Variants in LYPD6B observed in about 807,000 individuals in gnomAD.
LYPD6B encodes the protein LY6/PLAUR domain containing 6B.
Under a neutral mutation model 22.8 loss-of-function variants are expected in LYPD6B, and 17 were observed. That is an observed-to-expected ratio of 0.75 (90% CI 0.51 to 1.12). LYPD6B has a LOEUF of 1.12. Ranked by LOEUF, LYPD6B falls within the 50% of genes most tolerant of loss-of-function variation. The probability of loss-of-function intolerance (pLI) is 0.00; values close to 1 mark genes in which losing one functional copy is unlikely to be tolerated. For missense variants in LYPD6B, 221 were observed against 258.3 expected, an observed-to-expected ratio of 0.86 and a Z score of 0.99; for synonymous variants, 106 against 91.6, an observed-to-expected ratio of 1.16 and a Z score of -0.90.
At chr2:149,051,340 AT>A (rs1267151980) in intron 1 of LYPD6B, among the ~76,000 whole-genome samples, 3 of 150,742 alleles carry the variant, frequency 2.0e-5, no homozygotes, top group Non-Finnish European at 3.0e-5. Flanking sequence ...AATTTTTTCT[AT>A]TTTTTAGTAG....
chr2:149,052,593 C>T lies in LYPD6B; in HGVS notation c.-67+13792C>T, dbSNP rs6752965. Reference sequence around the variant, plus strand: ...TGGGAGTCTGTGGTCTTGTCTGGGGCTACTCCCTATTCCCCACCAACCACA... The same window carrying T: ...TGGGAGTCTGTGGTCTTGTCTGGGGTTACTCCCTATTCCCCACCAACCACA... On this transcript the variant is annotated intron_variant, in intron 1 of 6. Transcript: ENST00000409642. Among the ~76,000 whole-genome samples the T allele has an allele frequency of 6.4e-3, 979 of 152,290 alleles. 12 individuals are homozygous for T. Among genetic ancestry groups the T allele is most frequent in the African/African-American group, 0.022 (934 of 41,558 alleles).
intron 3 of LYPD6B, among the ~76,000 whole-genome samples, chr2:149,204,060 G>A (rs1221881925): frequency 6.6e-6 from 1 of 152,156 alleles, no homozygotes; most frequent in East Asian, 1.9e-4. Context: ...GCAAGAAGGA[G>A]TTCAGCCAAT....
Position 149,165,175 on chromosome 2 carries a change from C to A in LYPD6B, c.77+4340C>A, listed in dbSNP as rs143408498. Among the ~76,000 whole-genome samples, 611 of 152,224 alleles carry A rather than the reference C, an allele frequency of 4.0e-3. 5 individuals carry two copies. Among genetic ancestry groups the A allele is most frequent in the Non-Finnish European group, 6.5e-3 (445 of 68,002 alleles). ...GCTCAGCCTCCTTGACATGACAGAA[C>A]TTTCTGGCAAGAGGACAAGAGCAAA... On this transcript the variant is annotated intron_variant, in intron 3 of 6. Coordinates refer to ENST00000409642, the MANE Select transcript of LYPD6B (RefSeq NM_177964.5).
At chr2:149,173,959 A>G (rs1399986750) in intron 3 of LYPD6B, among the ~76,000 whole-genome samples, 11 of 152,218 alleles carry the variant, frequency 7.2e-5, no homozygotes, top group Admixed American at 6.5e-4. Context: ...TGGGAATAGT[A>G]TTGAATCTAT....
chr2:149,089,138 G>A (rs777802017), intron 1 of LYPD6B, among the ~76,000 whole-genome samples: 1 of 152,188 alleles, frequency 6.6e-6, no homozygotes, highest in Non-Finnish European at 1.5e-5. Flanking sequence ...TCAGACTTCT[G>A]TGAATGTTAT....
intron 1 of LYPD6B, among the ~76,000 whole-genome samples, chr2:149,048,595 T>A (rs1418219816): frequency 1.3e-5 from 2 of 152,354 alleles, no homozygotes; most frequent in African/African-American, 4.8e-5. Flanking sequence ...TCTTGTCTCT[T>A]CCTGCAAGTG....
intron 1 of LYPD6B, among the ~76,000 whole-genome samples, chr2:149,050,713 A>C (rs1683511820): frequency 6.6e-6 from 1 of 152,148 alleles, no homozygotes; most frequent in Admixed American, 6.5e-5. Flanking sequence ...CTGGGATTGT[A>C]GTTTGTCTCT....
At chr2:149,080,559 T>C (rs896528236) in intron 1 of LYPD6B, among the ~76,000 whole-genome samples, 1 of 152,088 alleles carries the variant, frequency 6.6e-6, no homozygotes, top group Admixed American at 6.6e-5. Context: ...TCCAGTATAT[T>C]AGCTGGGGGT....
At chr2:149,169,116 G>T (rs1399241512) in intron 3 of LYPD6B, among the ~76,000 whole-genome samples, 2 of 152,108 alleles carry the variant, frequency 1.3e-5, no homozygotes, top group Non-Finnish European at 1.5e-5. Flanking sequence ...AGATTAATTA[G>T]GAAATGATTA....
chr2:149,211,761 T>G (rs1693868096), intron 5 of LYPD6B, among the ~76,000 whole-genome samples: 1 of 152,194 alleles, frequency 6.6e-6, no homozygotes. Flanking sequence ...ACATTGCTGT[T>G]GTAGTCTCTG....
Position 149,205,316 on chromosome 2 carries a change from T to G in LYPD6B, c.141T>G (p.Ala47=). The G allele has an allele frequency of 1.2e-6, 2 of 1,614,040 alleles. No individual in the cohort carries two copies. Among genetic ancestry groups the G allele is most frequent in the African/African-American group, 1.3e-5 (1 of 75,068 alleles). ...VSMLLLCHAL[A]IAVVQIVIFS... is the part of the protein sequence containing the mutation. ...TGCTGCTCCTCTGTCACGCTCTCGC[T>G]ATAGCTGTTGTCCAGATCGTTATCT... The change falls in exon 4 of 7, where the codon GCT becomes GCG. Residue 47 remains alanine, a synonymous_variant. Coordinates refer to ENST00000409642, the MANE Select transcript of LYPD6B (RefSeq NM_177964.5).
chr2:149,113,669 A>T (rs1393550468), intron 1 of LYPD6B, among the ~76,000 whole-genome samples: 1 of 152,162 alleles, frequency 6.6e-6, no homozygotes, highest in African/African-American at 2.4e-5. Flanking sequence ...GGTTTTAAAA[A>T]AATAGATCTA....
chr2:149,141,168 G>A (rs1011233204), intron 2 of LYPD6B, among the ~76,000 whole-genome samples: 2 of 152,158 alleles, frequency 1.3e-5, no homozygotes, highest in Non-Finnish European at 2.9e-5. Context: ...ACCTGGTCAG[G>A]GCAGGCTTTT....
intron 1 of LYPD6B, among the ~76,000 whole-genome samples, chr2:149,113,965 T>C (rs1686882097): frequency 6.6e-6 from 1 of 152,202 alleles, no homozygotes; most frequent in Non-Finnish European, 1.5e-5. Flanking sequence ...TATTAGGTGG[T>C]TGACAACTGT....
intron 1 of LYPD6B, among the ~76,000 whole-genome samples, chr2:149,067,198 G>C (rs181035158): frequency 1.3e-5 from 2 of 152,214 alleles, no homozygotes; most frequent in African/African-American, 4.8e-5. Flanking sequence ...ACACTCTGCA[G>C]GTGGTTCTTA....
chr2:149,064,835 C>T (rs906454811), intron 1 of LYPD6B, among the ~76,000 whole-genome samples: 3 of 152,282 alleles, frequency 2.0e-5, no homozygotes, highest in East Asian at 3.9e-4. Context: ...CTGCCTGGAA[C>T]GTGGAGGCCT....
At position 149,147,906 on chromosome 2, in the gene LYPD6B, C is replaced by CTGTGTGTGTGTGTGTGTGTGTG. The variant is rs61441741; in HGVS notation, c.6-12844_6-12823dup. The stretch of plus-strand genomic sequence containing the variant: ...TGATTGCAAATTTATGCACATGGGC[C>CTGTGTGTGTGTGTGTGTGTGTG]TGTGTGTGTGTGTGTGTGTGTGTGT... On this transcript the variant is annotated intron_variant, in intron 2 of 6. Coordinates refer to ENST00000409642, the MANE Select transcript of LYPD6B (RefSeq NM_177964.5). 1.3e-3 allele frequency among the ~76,000 whole-genome samples: 175 copies of CTGTGTGTGTGTGTGTGTGTGTG among 139,098 alleles called. 1 individual carries two copies. The highest frequency in any genetic ancestry group is 3.8e-3 in the Middle Eastern group (1 of 266). The allele number at this position is 139,098 out of a possible 152,430, so 91.3% of individuals were successfully genotyped here.
chr2:149,057,264 A>C (rs1683847283), intron 1 of LYPD6B, among the ~76,000 whole-genome samples: 1 of 152,066 alleles, frequency 6.6e-6, no homozygotes, highest in Non-Finnish European at 1.5e-5. Flanking sequence ...CTATTGGCAA[A>C]ATGGAATGCA....
At chr2:149,066,317 C>T (rs1325987574) in intron 1 of LYPD6B, among the ~76,000 whole-genome samples, 1 of 151,912 alleles carries the variant, frequency 6.6e-6, no homozygotes, top group African/African-American at 2.4e-5. Flanking sequence ...CTAATGCTAT[C>T]CCTCCCCCGT....
Sources: gnomAD v4.1 joint callset for allele counts (sites outside exome capture counted in the v4.1 genomes callset) on GRCh38, gnomAD v4.1.1 for gene constraint, MANE v1.5 for transcripts, NCBI Gene and HGNC (gene_info 2026-07-23, HGNC 2026-07-21) for gene names.